Variants in LY6G6D observed in about 807,000 individuals in gnomAD.
The protein encoded by LY6G6D is lymphocyte antigen 6 complex locus protein G6d.
A neutral mutation model predicts 8.5 loss-of-function variants in LY6G6D; 5 were observed. The ratio of observed to expected loss-of-function variants is 0.59; its 90% CI spans 0.31 to 1.24. The LOEUF is 1.24. Ranked by LOEUF, LY6G6D falls within the 50% of genes most tolerant of loss-of-function variation. The pLI is 0.07. For synonymous variants in LY6G6D, 65 were observed against 69.6 expected (o/e 0.93, Z 0.33); for missense variants, 154 against 170.4 (o/e 0.90, Z 0.53).
At chr6:31,715,950 G>GGTGTGTGT (rs3138769) in intron 2 of LY6G6D, among the ~76,000 whole-genome samples, 28 of 146,954 alleles carry the variant, frequency 1.9e-4, no homozygotes, top group Non-Finnish European at 2.9e-4. Flanking sequence ...ACCAGGGAGG[G>GGTGTGTGT]GTGTGTGTGT....
Position 31,717,707 on chromosome 6 carries a change from G to GC in LY6G6D, c.306dup (p.Asn103GlnfsTer53). ...AGGGACTGCTACCTGGGAGACCTGT[G>GC]CAACAGCGCCGTGGCAAGCCATGTG... is the stretch of plus-strand genomic sequence containing the variant. On this transcript the variant is annotated frameshift_variant, in exon 3 of 3. Coordinates refer to ENST00000375825, the MANE Select transcript of LY6G6D (RefSeq NM_021246.4). LOFTEE classifies it low-confidence loss of function (END_TRUNC). This position sits in a 1 kb window ranked among gnomAD's most constrained non-coding sequence, Gnocchi z 5.0. 6.2e-7 allele frequency: 1 copy of GC among 1,614,226 alleles called. No individual in the cohort carries two copies. The highest frequency in any genetic ancestry group is 8.5e-7 in the Non-Finnish European group (1 of 1,180,046).
chr6:31,717,809 A>G lies in LY6G6D; in HGVS notation c.*5A>G. ...CCAGGACTGTGGAGCGGATAGGGGG[A>G]GTAGGAGTAGAGAAGGGAACAAGGG... On this transcript the variant is annotated 3_prime_UTR_variant, in exon 3 of 3. Coordinates refer to ENST00000375825, the MANE Select transcript of LY6G6D (RefSeq NM_021246.4). This position sits in a 1 kb window ranked among gnomAD's most constrained non-coding sequence, Gnocchi z 5.0. 1.2e-6 allele frequency: 2 copies of G among 1,606,574 alleles called. No individual in the cohort carries two copies. The highest frequency in any genetic ancestry group is 1.7e-6 in the Non-Finnish European group (2 of 1,177,236).
At position 31,717,473 on chromosome 6, in the gene LY6G6D, G is replaced by C; in HGVS notation, c.179-108G>C. The C allele has an allele frequency of 6.2e-7, 1 of 1,608,972 alleles. No homozygotes were observed. The highest frequency in any genetic ancestry group is 8.5e-7 in the Non-Finnish European group (1 of 1,177,860). On this transcript the variant is annotated intron_variant, in intron 2 of 2. Transcript: ENST00000375825. This position sits in a 1 kb window ranked among gnomAD's most constrained non-coding sequence, Gnocchi z 5.0. The stretch of plus-strand genomic sequence containing the variant: ...ACTTGGTTTCAGGGAGGTGTTTTTT[G>C]AGGGGGCTGAAAATCCCTTTGGGCT...
intron 2 of LY6G6D, among the ~76,000 whole-genome samples, chr6:31,715,891 G>A (rs985526367): frequency 6.6e-6 from 1 of 151,980 alleles, no homozygotes; most frequent in East Asian, 1.9e-4. Context: ...CTCTGGCCCT[G>A]AAAGGCCAAA....
At chr6:31,715,952 T>G (rs796743504) in intron 2 of LY6G6D, among the ~76,000 whole-genome samples, 15 of 21,460 alleles carry the variant, frequency 7.0e-4, no homozygotes, top group East Asian at 3.5e-3. Flanking sequence ...CAGGGAGGGG[T>G]GTGTGTGTGT....
chr6:31,716,092 C>T lies in LY6G6D; in HGVS notation c.178+468C>T, dbSNP rs1806417958. Among the ~76,000 whole-genome samples, 1 of 152,000 alleles carries T rather than the reference C, an allele frequency of 6.6e-6. No homozygotes were observed. ...GCTAACATCTTACATAACCATAGCA[C>T]AATTATCAAAATCACAAAATAACTG... is the stretch of plus-strand genomic sequence containing the variant. On this transcript the variant is annotated intron_variant, in intron 2 of 2. Transcript: ENST00000375825. This position sits in a 1 kb window ranked among gnomAD's most constrained non-coding sequence, Gnocchi z 5.1.
Position 31,717,189 on chromosome 6 carries a change from G to A in LY6G6D, c.179-392G>A, listed in dbSNP as rs1033019172. Among the ~76,000 whole-genome samples the A allele has an allele frequency of 2.8e-5, 4 of 145,314 alleles. No individual in the cohort carries two copies. Among genetic ancestry groups the A allele is most frequent in the East Asian group, 4.1e-4 (2 of 4,892 alleles). On this transcript the variant is annotated intron_variant, in intron 2 of 2. Coordinates refer to ENST00000375825, the MANE Select transcript of LY6G6D (RefSeq NM_021246.4). The surrounding 1 kb of genome is among the most constrained non-coding windows in gnomAD (Gnocchi z 5.0). ...TGCTTGAACCCAAGAGGTGGAGGTCGCGGTGAGCCGAGATCACACCATTGC... is the reference window on the plus strand; with the variant it reads ...TGCTTGAACCCAAGAGGTGGAGGTCACGGTGAGCCGAGATCACACCATTGC...
At position 31,717,735 on chromosome 6, in the gene LY6G6D, C is replaced by T. The variant is rs1489928193; in HGVS notation, c.333C>T (p.Ala111=). ...ACAGCGCCGTGGCAAGCCATGTGGC[C>T]CCTGCAGGCATTTTGGCTGCAGCAG... ...LCNSAVASHV[A]PAGILAAAAT... Residue 111 remains alanine (A), a synonymous_variant, in exon 3 of 3, where the codon GCC becomes GCT. Coordinates refer to ENST00000375825, the MANE Select transcript of LY6G6D (RefSeq NM_021246.4). The surrounding 1 kb of genome is among the most constrained non-coding windows in gnomAD (Gnocchi z 5.0). 4 of 1,614,198 alleles carry T rather than the reference C, an allele frequency of 2.5e-6. No homozygotes were observed. In the South Asian group the frequency reaches 3.3e-5, roughly 13 times the overall value.
At position 31,717,037 on chromosome 6, in the gene LY6G6D, G is replaced by A. The variant is rs561298309; in HGVS notation, c.179-544G>A. Among the ~76,000 whole-genome samples, 139 of 152,314 alleles carry A rather than the reference G, an allele frequency of 9.1e-4. No homozygotes were observed. The highest frequency in any genetic ancestry group is 1.4e-3 in the Non-Finnish European group (96 of 68,034). On this transcript the variant is annotated intron_variant, in intron 2 of 2. Transcript: ENST00000375825. The surrounding 1 kb of genome is among the most constrained non-coding windows in gnomAD (Gnocchi z 5.0). Reference sequence around the variant, plus strand: ...AGGCCAAGGCGGGTGGATAACCTGAGGTCGGGAGTTCAAGACCAGCCTGAT... The same window carrying A: ...AGGCCAAGGCGGGTGGATAACCTGAAGTCGGGAGTTCAAGACCAGCCTGAT...
In LY6G6D at chr6:31,716,510, G is replaced by A. The variant is rs1224991625; in HGVS notation, c.178+886G>A. Among the ~76,000 whole-genome samples the A allele has an allele frequency of 2.0e-5, 3 of 152,130 alleles. No individual in the cohort carries two copies. Among genetic ancestry groups the A allele is most frequent in the Non-Finnish European group, 4.4e-5 (3 of 68,030 alleles). On this transcript the variant is annotated intron_variant, in intron 2 of 2. Coordinates refer to ENST00000375825, the MANE Select transcript of LY6G6D (RefSeq NM_021246.4). This position sits in a 1 kb window ranked among gnomAD's most constrained non-coding sequence, Gnocchi z 5.1. Reference sequence around the variant, plus strand: ...TGCTTGTAGTCCTAGCTACTCAGGGGGCTGAAGAGGGAGGATCGCTTGAGC... The same window carrying A: ...TGCTTGTAGTCCTAGCTACTCAGGGAGCTGAAGAGGGAGGATCGCTTGAGC...
rs767516903 is a variant in LY6G6D, at chr6:31,717,808, G to C, written c.*4G>C. 1 of 1,606,888 alleles carries C rather than the reference G, an allele frequency of 6.2e-7. No homozygotes were observed. The highest frequency in any genetic ancestry group is 1.1e-5 in the South Asian group (1 of 90,964). ...GCCAGGACTGTGGAGCGGATAGGGGGAGTAGGAGTAGAGAAGGGAACAAGG... is the reference window on the plus strand; with the variant it reads ...GCCAGGACTGTGGAGCGGATAGGGGCAGTAGGAGTAGAGAAGGGAACAAGG... On this transcript the variant is annotated 3_prime_UTR_variant, in exon 3 of 3. Transcript: ENST00000375825. The surrounding 1 kb of genome is among the most constrained non-coding windows in gnomAD (Gnocchi z 5.0).
In LY6G6D at chr6:31,715,559, C is replaced by A; in HGVS notation, c.113C>A (p.Ala38Asp). ...AGCCCCAGCAGTTCTTGCAAAGAGG[C>A]CGTGACCACCTGTGGCGAGGGCAGA... The part of the protein sequence containing the change: ...GGSPSSSCKE[A>D]VTTCGEGRPQ... The change falls in exon 2 of 3, where the codon GCC becomes GAC. Residue 38 changes from alanine (A) to aspartate (D), a missense_variant. Ala to Asp is a moderately radical substitution (Grantham distance 126, BLOSUM62 -2). Coordinates refer to ENST00000375825, the MANE Select transcript of LY6G6D (RefSeq NM_021246.4). 6 of 1,612,998 alleles carry A rather than the reference C, an allele frequency of 3.7e-6. No individual in the cohort carries two copies. Among genetic ancestry groups the A allele is most frequent in the Non-Finnish European group, 4.2e-6 (5 of 1,179,994 alleles).
chr6:31,715,350 A>T lies in LY6G6D; in HGVS notation c.-6A>T, dbSNP rs758867001. ...GTAGAGGCGGTCCTGACACGGGCAG[A>T]CTGCGATGAAACCCCAGTTTGTTGG... On this transcript the variant is annotated 5_prime_UTR_variant, in exon 1 of 3. Coordinates refer to ENST00000375825, the MANE Select transcript of LY6G6D (RefSeq NM_021246.4). The T allele has an allele frequency of 1.9e-6, 3 of 1,594,624 alleles. No homozygotes were observed. The highest frequency in any genetic ancestry group is 1.1e-5 in the South Asian group (1 of 88,276).
At chr6:31,715,950 G>GGTGTGTGTGTGT (rs3138769) in intron 2 of LY6G6D, among the ~76,000 whole-genome samples, 2 of 146,956 alleles carry the variant, frequency 1.4e-5, no homozygotes, top group Non-Finnish European at 3.0e-5. Flanking sequence ...ACCAGGGAGG[G>GGTGTGTGTGTGT]GTGTGTGTGT....
At chr6:31,715,772 GC>G in intron 2 of LY6G6D, 148 bp downstream of exon 2, 1 of 1,253,568 alleles carries the variant, frequency 8.0e-7, no homozygotes, top group Non-Finnish European at 1.1e-6. Context: ...ACCCCTTCTG[GC>G]TCCTGGCACG....
chr6:31,717,148 C>A lies in LY6G6D; in HGVS notation c.179-433C>A, dbSNP rs966662149. Among the ~76,000 whole-genome samples, 4 of 151,206 alleles carry A rather than the reference C, an allele frequency of 2.6e-5. No homozygotes were observed. The highest frequency in any genetic ancestry group is 4.9e-5 in the African/African-American group (2 of 41,102). ...GCCTGTAATACCAGCTACTCGGGAA[C>A]CTGAGGCAGGAGAATTGCTTGAACC... On this transcript the variant is annotated intron_variant, in intron 2 of 2. Transcript: ENST00000375825. This position sits in a 1 kb window ranked among gnomAD's most constrained non-coding sequence, Gnocchi z 5.0.
At position 31,717,551 on chromosome 6, in the gene LY6G6D, C is replaced by G; in HGVS notation, c.179-30C>G. On this transcript the variant is annotated intron_variant, in intron 2 of 2. Coordinates refer to ENST00000375825, the MANE Select transcript of LY6G6D (RefSeq NM_021246.4). The surrounding 1 kb of genome is among the most constrained non-coding windows in gnomAD (Gnocchi z 5.0). ...GAAGGCAAGTCCTGAAGCCAGGAGT[C>G]CAACACCCCAGTTTCATTCTCTCTC... 1 of 1,614,204 alleles carries G rather than the reference C, an allele frequency of 6.2e-7. No individual in the cohort carries two copies. The highest frequency in any genetic ancestry group is 8.5e-7 in the Non-Finnish European group (1 of 1,180,032).
rs1806369233 is a variant in LY6G6D at position 31,715,597 on chromosome 6, C to T, written c.151C>T (p.Leu51=). Residue 51 remains leucine (L), a synonymous_variant, in exon 2 of 3, where the codon CTG becomes TTG. Coordinates refer to ENST00000375825, the MANE Select transcript of LY6G6D (RefSeq NM_021246.4). ...TCGEGRPQPG[L]EQIKLPGNPP... Reference sequence around the variant, plus strand: ...TGGCGAGGGCAGACCCCAGCCAGGCCTGGAACAGATCAAGCTACCTGGAAA... The same window carrying T: ...TGGCGAGGGCAGACCCCAGCCAGGCTTGGAACAGATCAAGCTACCTGGAAA... 1.9e-6 allele frequency: 3 copies of T among 1,613,080 alleles called. No individual in the cohort carries two copies. The highest frequency in any genetic ancestry group is 2.5e-6 in the Non-Finnish European group (3 of 1,180,022).
Position 31,715,423 on chromosome 6 carries a change from C to A in LY6G6D, c.55+13C>A, listed in dbSNP as rs1806348374. 2.5e-6 allele frequency: 4 copies of A among 1,605,162 alleles called. No homozygotes were observed. Among genetic ancestry groups the A allele is most frequent in the Non-Finnish European group, 3.4e-6 (4 of 1,174,416 alleles). ...GGGGCTGCCTTGGGTAAGGAGGCGG[C>A]CAGCTAGCTTCTCACACAGGCCTTC... On this transcript the variant is annotated intron_variant, in intron 1 of 2. Transcript: ENST00000375825.
Sources: gnomAD v4.1 joint callset for allele counts (sites outside exome capture counted in the v4.1 genomes callset) on GRCh38, gnomAD v4.1.1 for gene constraint, Gnocchi (gnomAD v3.1) non-coding constraint, MANE v1.5 for transcripts, NCBI Gene and HGNC (gene_info 2026-07-23, HGNC 2026-07-21) for gene names.